Variants in CRTC1 observed in about 807,000 individuals in gnomAD.
The protein encoded by CRTC1 is CREB regulated transcription coactivator 1.
Under a neutral mutation model 66.1 loss-of-function variants are expected in CRTC1, and 18 were observed. The ratio of observed to expected loss-of-function variants is 0.27; its 90% CI spans 0.19 to 0.40. The LOEUF (loss-of-function observed/expected upper bound fraction) is 0.40. Among genes scored for constraint, CRTC1 ranks in the 10% least tolerant of loss-of-function variants. CRTC1 has a pLI of 1.00. For synonymous variants in CRTC1, 416 were observed against 398.8 expected (o/e 1.04, Z -0.51); for missense variants, 669 against 887.9 (o/e 0.75, Z 3.13).
intron 6 of CRTC1, among the ~76,000 whole-genome samples, chr19:18,755,593 CTTTT>C (rs58121199): frequency 3.7e-5 from 4 of 107,496 alleles, no homozygotes; most frequent in Non-Finnish European, 7.6e-5. Context: ...CCAAACCTGG[CTTTT>C]TTTTTTTTTT....
chr19:18,767,966 T>C (rs1377182345), intron 9 of CRTC1, among the ~76,000 whole-genome samples: 1 of 152,208 alleles, frequency 6.6e-6, no homozygotes, highest in East Asian at 1.9e-4. Context: ...TCTTATTGAT[T>C]TTCCTCTTTC....
rs1436609269 is a variant in CRTC1, at chr19:18,759,901, G to C, written c.666-107G>C. ...GTTTCCCAAGCACACGGCACCTGAT[G>C]GGGGGTGGCCTTTTGCACCCGCTGA... On this transcript the variant is annotated intron_variant, in intron 7 of 13. Coordinates refer to ENST00000321949, the MANE Select transcript of CRTC1 (RefSeq NM_015321.3). The C allele has an allele frequency of 3.5e-5, 30 of 867,626 alleles. No homozygotes were observed. In the East Asian group the frequency reaches 7.1e-4, roughly 20 times the overall value. The allele number at this position is 867,626 out of a possible 1,614,324, so 53.7% of individuals were successfully genotyped here. A position where few individuals can be genotyped will look rare whatever the true frequency, so the allele number is the denominator to read the frequency against.
chr19:18,732,565 T>G lies in CRTC1; in HGVS notation c.127-10345T>G, dbSNP rs367925080. On this transcript the variant is annotated intron_variant, in intron 1 of 13. Coordinates refer to ENST00000321949, the MANE Select transcript of CRTC1 (RefSeq NM_015321.3). ...TGCTAAGACAGAGGATTATTTTGGA[T>G]GCAGGGATTGGGGGTCTGGCAGGGC... Among the ~76,000 whole-genome samples, 143 of 152,246 alleles carry G rather than the reference T, an allele frequency of 9.4e-4. 1 individual carries two copies. The highest frequency in any genetic ancestry group is 3.2e-3 in the African/African-American group (134 of 41,558).
At chr19:18,715,639 C>T (rs951467088) in intron 1 of CRTC1, among the ~76,000 whole-genome samples, 2 of 152,252 alleles carry the variant, frequency 1.3e-5, no homozygotes, top group African/African-American at 4.8e-5. Flanking sequence ...CCTGTGGCCC[C>T]GGGGACGGGC....
At chr19:18,716,689 A>G (rs551724818) in intron 1 of CRTC1, among the ~76,000 whole-genome samples, 1 of 152,258 alleles carries the variant, frequency 6.6e-6, no homozygotes, top group Admixed American at 6.5e-5. Context: ...TTTCCTGTAG[A>G]GCTGGAGTGA....
At chr19:18,697,501 G>A (rs1402034771) in intron 1 of CRTC1, among the ~76,000 whole-genome samples, 3 of 152,186 alleles carry the variant, frequency 2.0e-5, no homozygotes, top group African/African-American at 4.8e-5. Context: ...GTAGAGATGG[G>A]GTTTCACCAT....
chr19:18,774,213 TGGGGA>T (rs1265431958), intron 11 of CRTC1, among the ~76,000 whole-genome samples: 1 of 152,134 alleles, frequency 6.6e-6, no homozygotes, highest in Non-Finnish European at 1.5e-5. Context: ...CACCATCTCT[TGGGGA>T]GGGGCTCCGA....
intron 6 of CRTC1, among the ~76,000 whole-genome samples, chr19:18,755,971 C>T (rs1396672408): frequency 1.3e-5 from 2 of 152,000 alleles, no homozygotes; most frequent in African/African-American, 2.4e-5. Flanking sequence ...CTCCTGGGCT[C>T]GGTCTCTGTG....
chr19:18,744,493 C>A (rs995102363), intron 2 of CRTC1, among the ~76,000 whole-genome samples: 10 of 82,270 alleles, frequency 1.2e-4, no homozygotes, highest in African/African-American at 5.9e-4. Flanking sequence ...CACACACAAA[C>A]ACACACACAC....
At chr19:18,706,262 T>G (rs2053264210) in intron 1 of CRTC1, among the ~76,000 whole-genome samples, 1 of 130,286 alleles carries the variant, frequency 7.7e-6, no homozygotes, top group Admixed American at 9.4e-5. Context: ...TGGAGTGCAG[T>G]GGTGCAATCT....
intron 4 of CRTC1, among the ~76,000 whole-genome samples, chr19:18,748,498 ACATGAGC>A (rs915673120): frequency 1.0e-4 from 15 of 143,066 alleles, no homozygotes; most frequent in African/African-American, 3.6e-4. Flanking sequence ...GGATTACAGG[ACATGAGC>A]CACTGTGCCT....
chr19:18,702,746 C>CTGGTCTCGAATTCCCAACCTCGGG (rs2053175803), intron 1 of CRTC1, among the ~76,000 whole-genome samples: 2 of 151,416 alleles, frequency 1.3e-5, no homozygotes, highest in African/African-American at 4.9e-5. Context: ...GTTGGTCAGG[C>CTGGTCTCGAATTCCCAACCTCGGG]TGGTCTCGAA....
intron 1 of CRTC1, among the ~76,000 whole-genome samples, chr19:18,688,214 G>T (rs1354888359): frequency 6.6e-6 from 1 of 152,084 alleles, no homozygotes; most frequent in Admixed American, 6.6e-5. Flanking sequence ...AAGTGGCTCA[G>T]CCACGTGCTA....
Position 18,780,566 on chromosome 19 carries a change from C to A in CRTC1, c.*3184C>A, listed in dbSNP as rs1014519259. On this transcript the variant is annotated 3_prime_UTR_variant, in exon 14 of 14. Transcript: ENST00000321949. ...AGGACCCCTAGCCAGGAGGGCCCCC[C>A]ATGTCCATCCATCCCTCCTGCTGGG... 3.9e-5 allele frequency: 9 copies of A among 230,852 alleles called. No homozygotes were observed. The highest frequency in any genetic ancestry group is 1.5e-4 in the African/African-American group (7 of 45,216). 14.3% of individuals were successfully genotyped at this position (230,852 alleles called of 1,614,324 possible).
chr19:18,717,143 G>A (rs922978159), intron 1 of CRTC1, among the ~76,000 whole-genome samples: 68 of 152,178 alleles, frequency 4.5e-4, no homozygotes, highest in Admixed American at 3.3e-4. Flanking sequence ...CAGCCTCCCT[G>A]GTGGGTGACT....
chr19:18,742,929 A>G lies in CRTC1; in HGVS notation c.146A>G (p.Gln49Arg). Residue 49 changes from glutamine to arginine, a missense_variant, in exon 2 of 14, where the codon CAG becomes CGG. Gln to Arg is a conservative substitution (Grantham distance 43). Coordinates refer to ENST00000321949, the MANE Select transcript of CRTC1 (RefSeq NM_015321.3). ...RAARLQLQKS[Q>R]YLQLGPSRGQ... ...TCGCAGCTCCAGCTCCAGAAATCCC[A>G]GTACCTGCAACTGGGCCCCAGCCGA... The G allele has an allele frequency of 6.2e-7, 1 of 1,613,136 alleles. No individual in the cohort carries two copies. Among genetic ancestry groups the G allele is most frequent in the Non-Finnish European group, 8.5e-7 (1 of 1,179,382 alleles).
chr19:18,759,672 T>C, intron 7 of CRTC1, 81 bp downstream of exon 7: 1 of 1,499,354 alleles, frequency 6.7e-7, no homozygotes, highest in Non-Finnish European at 9.1e-7. Flanking sequence ...TCCACTCTCT[T>C]GAGGTTGCAA....
intron 1 of CRTC1, among the ~76,000 whole-genome samples, chr19:18,720,983 A>C (rs1020148117): frequency 6.6e-6 from 1 of 152,168 alleles, no homozygotes; most frequent in Non-Finnish European, 1.5e-5. Flanking sequence ...AAATGTATTC[A>C]GTGCAGGTGT....
chr19:18,725,518 C>G (rs1278639360), intron 1 of CRTC1, among the ~76,000 whole-genome samples: 2 of 103,956 alleles, frequency 1.9e-5, no homozygotes. Context: ...TCCCCACACA[C>G]GGGCCCCTGG....
Sources: gnomAD v4.1 joint callset for allele counts (sites outside exome capture counted in the v4.1 genomes callset) on GRCh38, gnomAD v4.1.1 for gene constraint, MANE v1.5 for transcripts, NCBI Gene and HGNC (gene_info 2026-07-23, HGNC 2026-07-21) for gene names.